The following HLA-DRB1 variants were observed in gnomAD, a reference collection of about 807,000 sequenced individuals.
HLA-DRB1 encodes the protein major histocompatibility complex, class II, DR beta 1 precursor.
A neutral mutation model predicts 27.9 loss-of-function variants in HLA-DRB1; 10 were observed. The ratio of observed to expected loss-of-function variants is 0.36; its 90% CI spans 0.22 to 0.61. The LOEUF is 0.61. Among genes scored for constraint, HLA-DRB1 ranks in the 20% least tolerant of loss-of-function variants. HLA-DRB1 has a pLI of 0.73. For synonymous variants in HLA-DRB1, 57 were observed against 126.7 expected (o/e 0.45, Z 3.69); for missense variants, 118 against 306.3 (o/e 0.39, Z 4.59).
intron 2 of HLA-DRB1, among the ~76,000 whole-genome samples, chr6:32,583,530 A>G (rs550345324): frequency 0.27 from 17,192 of 63,788 alleles, 6,226 homozygotes; most frequent in Non-Finnish European, 0.28. Flanking sequence ...GAAGCTTCAG[A>G]GGTGCCTCAG....
rs201273461 is a variant in HLA-DRB1 at position 32,589,834 on chromosome 6, AG to A, written c.-93del. On this transcript the variant is annotated 5_prime_UTR_variant, in exon 1 of 6. Transcript: ENST00000360004. ...CCCCTCCACCCACATTCCAAGTTAT[AG>A]GGAGGAAGTTACTGATTTCCTTGCT... 1.7e-3 allele frequency: 756 copies of A among 457,354 alleles called. 2 individuals carry two copies. Among genetic ancestry groups the A allele is most frequent in the South Asian group, 9.7e-3 (244 of 25,248 alleles). 28.3% of individuals were successfully genotyped at this position (457,354 alleles called of 1,614,324 possible).
At chr6:32,585,903 T>C (rs201747793) in intron 1 of HLA-DRB1, among the ~76,000 whole-genome samples, 42 of 100,560 alleles carry the variant, frequency 4.2e-4, no homozygotes, top group South Asian at 9.8e-4. Context: ...ATTATTGAAA[T>C]TGAATACTGA....
intron 1 of HLA-DRB1, among the ~76,000 whole-genome samples, chr6:32,587,622 C>G (rs9270156): frequency 0.12 from 6,078 of 50,352 alleles, 416 homozygotes; most frequent in Middle Eastern, 0.22. Flanking sequence ...ACTTTCATCC[C>G]TTAGATCTTC....
chr6:32,584,174 G>T (rs17878857), exon 2 of HLA-DRB1: 10 of 1,158,010 alleles, frequency 8.6e-6, no homozygotes, highest in Admixed American at 2.3e-5. Flanking sequence ...GTCCACCGCG[G>T]CCCGCGCCTG....
chr6:32,588,276 C>T (rs1776805149), intron 1 of HLA-DRB1, among the ~76,000 whole-genome samples: 1 of 132,070 alleles, frequency 7.6e-6, no homozygotes, highest in African/African-American at 2.7e-5. Context: ...GGCAACATGG[C>T]AAAATCTCAT....
intron 1 of HLA-DRB1, among the ~76,000 whole-genome samples, chr6:32,585,816 T>G (rs1776303989): frequency 6.8e-6 from 1 of 146,332 alleles, no homozygotes; most frequent in Non-Finnish European, 1.5e-5. Flanking sequence ...TTTGTAATAC[T>G]GGGTGTTACT....
At position 32,580,351 on chromosome 6, in the gene HLA-DRB1, C is replaced by T. The variant is rs551366042; in HGVS notation, c.764-81G>A. On this transcript the variant is annotated intron_variant, in intron 4 of 5. Transcript: ENST00000360004. ...CCAACACAATGTCCCAGCCCCAGATCTCCCACCTGAGATTTCTCTAACACC... is the reference window on the plus strand; with the variant it reads ...CCAACACAATGTCCCAGCCCCAGATTTCCCACCTGAGATTTCTCTAACACC... The T allele has an allele frequency of 2.2e-5, 13 of 591,674 alleles. No homozygotes were observed. In the African/African-American group the frequency reaches 2.8e-4, roughly 13 times the overall value. The allele number at this position is 591,674 out of a possible 1,614,324, so 36.7% of individuals were successfully genotyped here. A position where few individuals can be genotyped will look rare whatever the true frequency, so the allele number is the denominator to read the frequency against.
chr6:32,584,291 T>A, exon 2 of HLA-DRB1: 1 of 1,434,614 alleles, frequency 7.0e-7, no homozygotes, highest in South Asian at 1.1e-5. Flanking sequence ...GGACTCCTCC[T>A]GGTTATAGAA....
intron 1 of HLA-DRB1, among the ~76,000 whole-genome samples, chr6:32,588,149 T>C (rs17203839): frequency 0.39 from 50,097 of 129,038 alleles, 6,277 homozygotes; most frequent in Middle Eastern, 0.46. Flanking sequence ...AAAAGGAAAT[T>C]TTTTTATTAA....
At chr6:32,589,229 A>G (rs1419191304) in intron 1 of HLA-DRB1, among the ~76,000 whole-genome samples, 154 of 127,446 alleles carry the variant, frequency 1.2e-3, no homozygotes, top group African/African-American at 4.6e-3. Flanking sequence ...CTAACACTGG[A>G]TCGTCTAGGA....
At chr6:32,579,823 G>GAAAAGTTCTCCAAGTCCCCAC (rs1554122881) in intron 5 of HLA-DRB1, among the ~76,000 whole-genome samples, 3 of 40,470 alleles carry the variant, frequency 7.4e-5, no homozygotes, top group Non-Finnish European at 1.0e-4. Flanking sequence ...CCTCTTGTAG[G>GAAAAGTTCTCCAAGTCCCCAC]CCGGGCGCGG....
At chr6:32,582,940 T>G (rs1472129971) in intron 2 of HLA-DRB1, among the ~76,000 whole-genome samples, 4 of 138,748 alleles carry the variant, frequency 2.9e-5, no homozygotes, top group Admixed American at 2.2e-4. Context: ...GGATTGTAGA[T>G]CATTAATAAA....
At chr6:32,582,121 G>A (rs144737207) in intron 2 of HLA-DRB1, among the ~76,000 whole-genome samples, 1 of 102,020 alleles carries the variant, frequency 9.8e-6, no homozygotes, top group Admixed American at 1.1e-4. Context: ...ACAGAGTGTA[G>A]TAATTAAAAC....
At chr6:32,579,376 G>C (rs201755843) in intron 5 of HLA-DRB1, among the ~76,000 whole-genome samples, 17,490 of 73,428 alleles carry the variant, frequency 0.24, 5,254 homozygotes, top group Admixed American at 0.27. Context: ...GGTGTGTCCT[G>C]AGTTTGTTCC....
At chr6:32,584,017 TCACA>T (rs776532129) in intron 2 of HLA-DRB1, 88 bp downstream of exon 2, 46,760 of 180,838 alleles carry the variant, frequency 0.26, 6,367 homozygotes, top group African/African-American at 0.51. Flanking sequence ...TGTCTCTCTC[TCACA>T]CACACACACA....
chr6:32,581,119 A>C (rs9269778), intron 3 of HLA-DRB1, among the ~76,000 whole-genome samples: 32,887 of 56,018 alleles, frequency 0.59, 12,621 homozygotes, highest in Middle Eastern at 0.7. Context: ...CTCAATGAGG[A>C]TAAGTAGTTT....
intron 2 of HLA-DRB1, among the ~76,000 whole-genome samples, 176 bp from the exon 3 acceptor site, chr6:32,582,014 C>T (rs1235880898): frequency 8.2e-6 from 1 of 121,468 alleles, no homozygotes; most frequent in East Asian, 2.3e-4. Context: ...ACAGTGAGGA[C>T]CCATTAGATT....
At chr6:32,588,423 T>C (rs9270196) in intron 1 of HLA-DRB1, among the ~76,000 whole-genome samples, 47,499 of 77,200 alleles carry the variant, frequency 0.62, 17,945 homozygotes, top group Middle Eastern at 0.83. Flanking sequence ...CACTGAGCTA[T>C]AGACTGGGTG....
intron 1 of HLA-DRB1, among the ~76,000 whole-genome samples, chr6:32,588,924 G>A (rs1776944703): frequency 8.0e-6 from 1 of 125,424 alleles, no homozygotes; most frequent in Non-Finnish European, 1.7e-5. Flanking sequence ...ACCTGGGCTA[G>A]TTTTTCAGAG....
Sources: allele counts gnomAD v4.1 joint callset (sites outside exome capture counted in the v4.1 genomes callset), GRCh38; gene constraint gnomAD v4.1.1; transcripts MANE v1.5; gene names NCBI Gene and HGNC (gene_info 2026-07-23, HGNC 2026-07-21).